Variants in NEDD9 observed in about 807,000 individuals in gnomAD.
The protein encoded by NEDD9 is neural precursor cell expressed, developmentally down-regulated 9.
NEDD9 carries 26 observed loss-of-function variants against 76.6 expected under a neutral mutation model. That is an observed-to-expected ratio of 0.34 (90% CI 0.25 to 0.47). NEDD9 has a LOEUF of 0.47. NEDD9 is among the 20% of genes least tolerant of loss of function. The pLI is 1.00. For missense variants in NEDD9, 937 were observed against 1,058.5 expected (o/e 0.89, Z 1.59); for synonymous variants, 392 against 414.2 (o/e 0.95, Z 0.65).
intron 1 of NEDD9, among the ~76,000 whole-genome samples, chr6:11,222,157 C>T (rs953261014): frequency 6.6e-6 from 1 of 152,174 alleles, no homozygotes; most frequent in Non-Finnish European, 1.5e-5. Context: ...ATCTTATCTT[C>T]CTTCACCAAG....
In NEDD9 at chr6:11,190,624, C is replaced by A. The variant is rs376768018; in HGVS notation, c.1245G>T (p.Arg415=). 18 of 1,614,044 alleles carry A rather than the reference C, an allele frequency of 1.1e-5. No homozygotes were observed. Among genetic ancestry groups the A allele is most frequent in the Non-Finnish European group, 1.4e-5 (17 of 1,180,016 alleles). Residue 415 remains arginine (R), a synonymous_variant, in exon 5 of 7, where the codon CGG becomes CGT. Transcript: ENST00000379446. This position sits in a 1 kb window ranked among gnomAD's most constrained non-coding sequence, Gnocchi z 5.8. The stretch of plus-strand genomic sequence containing the variant: ...CACCCATCTCAAGGGCCTGCTGGAG[C>A]CGCTGAAGTCTCTCAATAGCTGTGT... ...DPDTAIERLQ[R]LQQALEMGVS...
At chr6:11,294,008 T>A (rs952800541) in intron 3 of NEDD9, among the ~76,000 whole-genome samples, 5 of 151,154 alleles carry the variant, frequency 3.3e-5, no homozygotes, top group South Asian at 2.1e-4. Context: ...ATTGTGTAAG[T>A]GTGTGTGTGT....
intron 3 of NEDD9, among the ~76,000 whole-genome samples, chr6:11,280,018 C>T (rs1760502879): frequency 6.6e-6 from 1 of 152,152 alleles, no homozygotes; most frequent in Non-Finnish European, 1.5e-5. Flanking sequence ...TCATCCTTGG[C>T]CTATTGACAT....
intron 1 of NEDD9, among the ~76,000 whole-genome samples, chr6:11,344,823 A>G (rs930599585): frequency 3.3e-5 from 5 of 152,056 alleles, no homozygotes; most frequent in Admixed American, 3.3e-4. Flanking sequence ...TTGTTTTCCC[A>G]TCTCTCTTTC....
intron 2 of NEDD9, among the ~76,000 whole-genome samples, chr6:11,326,777 A>G (rs1256815011): frequency 6.6e-6 from 1 of 152,148 alleles, no homozygotes; most frequent in Non-Finnish European, 1.5e-5. Flanking sequence ...GCCCCGTACC[A>G]TCTTCCTTCC....
intron 3 of NEDD9, among the ~76,000 whole-genome samples, chr6:11,259,739 T>C (rs966742841): frequency 3.9e-5 from 6 of 152,328 alleles, no homozygotes; most frequent in African/African-American, 1.4e-4. Context: ...ATAGATATAA[T>C]TTCTAATTTT....
intron 1 of NEDD9, among the ~76,000 whole-genome samples, chr6:11,371,572 A>G (rs533862062): frequency 4.9e-4 from 75 of 152,288 alleles, no homozygotes; most frequent in Non-Finnish European, 8.7e-4. Context: ...ATATTTAGCT[A>G]TTTTTTAAAT....
At chr6:11,353,106 C>G (rs1762500568) in intron 1 of NEDD9, among the ~76,000 whole-genome samples, 1 of 152,232 alleles carries the variant, frequency 6.6e-6, no homozygotes, top group Admixed American at 6.5e-5. Flanking sequence ...GGTGAACATC[C>G]TCTGAGAACA....
intron 3 of NEDD9, among the ~76,000 whole-genome samples, chr6:11,300,704 A>G (rs1333533703): frequency 1.3e-5 from 2 of 152,236 alleles, no homozygotes; most frequent in Non-Finnish European, 2.9e-5. Flanking sequence ...GTGGGGGCCA[A>G]TATTCAACAT....
intron 1 of NEDD9, among the ~76,000 whole-genome samples, chr6:11,231,920 A>T (rs1759480047): frequency 6.6e-6 from 1 of 152,230 alleles, no homozygotes; most frequent in Admixed American, 6.5e-5. Flanking sequence ...GAAATGGCTC[A>T]TACTTATTTA....
At chr6:11,193,781 C>A in intron 2 of NEDD9, 89 bp from the exon 3 acceptor site, 1 of 763,498 alleles carries the variant, frequency 1.3e-6, no homozygotes, top group Admixed American at 2.6e-5. Context: ...TCCCTCAACT[C>A]TCCCTCATAA....
intron 3 of NEDD9, among the ~76,000 whole-genome samples, chr6:11,247,042 C>G (rs1225956570): frequency 6.6e-6 from 1 of 152,178 alleles, no homozygotes; most frequent in Non-Finnish European, 1.5e-5. Flanking sequence ...GCTCCCAACT[C>G]CCTTGCCTAG....
chr6:11,364,695 CAT>C (rs34874818), intron 1 of NEDD9, among the ~76,000 whole-genome samples: 27,704 of 151,934 alleles, frequency 0.18, 2,560 homozygotes, highest in Middle Eastern at 0.23. Flanking sequence ...CTCAATAAAA[CAT>C]AGTTACTCTA....
intron 1 of NEDD9, among the ~76,000 whole-genome samples, chr6:11,357,092 G>A (rs1762590675): frequency 6.6e-6 from 1 of 152,084 alleles, no homozygotes; most frequent in East Asian, 1.9e-4. Flanking sequence ...TTTCACTTTT[G>A]AAGGCCGGCA....
intron 2 of NEDD9, among the ~76,000 whole-genome samples, chr6:11,210,532 A>G (rs2113754645): frequency 6.6e-6 from 1 of 152,298 alleles, no homozygotes; most frequent in Admixed American, 6.5e-5. Flanking sequence ...TGAAAAAGCC[A>G]CGCCTGATCC....
intron 2 of NEDD9, among the ~76,000 whole-genome samples, chr6:11,327,965 C>T (rs1561836400): frequency 6.6e-6 from 1 of 152,206 alleles, no homozygotes; most frequent in Non-Finnish European, 1.5e-5. Context: ...TATGAGCTCA[C>T]CCTAGGGGGA....
chr6:11,190,599 C>T lies in NEDD9; in HGVS notation c.1270G>A (p.Val424Ile), dbSNP rs1056217926. The change falls in exon 5 of 7, where the codon GTC becomes ATC. Residue 424 changes from valine (V) to isoleucine (I), a missense_variant. Val to Ile is a conservative substitution (Grantham distance 29, BLOSUM62 3). Transcript: ENST00000379446. The surrounding 1 kb of genome is among the most constrained non-coding windows in gnomAD (Gnocchi z 5.8). ...QRLQQALEMGVSSLMALVTTD... is the reference protein window; with the variant it reads ...QRLQQALEMGISSLMALVTTD... ...GTGACCAGTGCCATTAGGCTGGAGA[C>T]ACCCATCTCAAGGGCCTGCTGGAGC... 8.7e-6 allele frequency: 14 copies of T among 1,614,070 alleles called. No homozygotes were observed. The highest frequency in any genetic ancestry group is 1.2e-5 in the Non-Finnish European group (14 of 1,180,038).
At chr6:11,299,289 G>C (rs768786164) in intron 3 of NEDD9, among the ~76,000 whole-genome samples, 1 of 152,162 alleles carries the variant, frequency 6.6e-6, no homozygotes, top group African/African-American at 2.4e-5. Context: ...GGGGGGGAGG[G>C]GCATCTGCCA....
intron 3 of NEDD9, among the ~76,000 whole-genome samples, chr6:11,255,750 T>C (rs1213103684): frequency 1.3e-5 from 2 of 152,102 alleles, no homozygotes; most frequent in African/African-American, 4.8e-5. Flanking sequence ...CCTTAATCCC[T>C]GAGCACTATG....
Sources: allele counts gnomAD v4.1 joint callset (sites outside exome capture counted in the v4.1 genomes callset), GRCh38; gene constraint gnomAD v4.1.1; non-coding constraint Gnocchi (gnomAD v3.1); transcripts MANE v1.5; gene names NCBI Gene and HGNC (gene_info 2026-07-23, HGNC 2026-07-21).